Variants in FHIT observed in about 807,000 individuals in gnomAD.
FHIT encodes fragile histidine triad diadenosine triphosphatase, also known as bis(5'-adenosyl)-triphosphatase.
FHIT carries 19 observed loss-of-function variants against 17.9 expected under a neutral mutation model. The ratio of observed to expected loss-of-function variants is 1.06; its 90% CI spans 0.74 to 1.56. The LOEUF (loss-of-function observed/expected upper bound fraction) is 1.56. FHIT is among the 40% of genes most tolerant of loss of function. The pLI is 0.00. For missense variants in FHIT, 248 were observed against 189.2 expected (o/e 1.31, Z -1.82); for synonymous variants, 81 against 69.7 (o/e 1.16, Z -0.81).
chr3:60,891,444 C>CAA (rs1705512852), intron 3 of FHIT, among the ~76,000 whole-genome samples: 1 of 152,174 alleles, frequency 6.6e-6, no homozygotes, highest in Admixed American at 6.5e-5. Flanking sequence ...ATGAGAAACT[C>CAA]TATTGTTTCC....
At chr3:60,974,821 G>C (rs1423855339) in intron 3 of FHIT, among the ~76,000 whole-genome samples, 1 of 152,080 alleles carries the variant, frequency 6.6e-6, no homozygotes, top group African/African-American at 2.4e-5. Flanking sequence ...AAGACATGAG[G>C]CCTGAAATTT....
At chr3:60,268,010 G>C (rs1330825165) in intron 5 of FHIT, among the ~76,000 whole-genome samples, 1 of 152,130 alleles carries the variant, frequency 6.6e-6, no homozygotes, top group Non-Finnish European at 1.5e-5. Flanking sequence ...CAGGAGGTAG[G>C]TTTTGTATCT....
intron 5 of FHIT, among the ~76,000 whole-genome samples, chr3:60,287,343 A>G (rs933950407): frequency 6.6e-6 from 1 of 151,818 alleles, no homozygotes; most frequent in Non-Finnish European, 1.5e-5. Context: ...TAATTTTTGT[A>G]TTTTTAGTAG....
At chr3:60,112,251 A>C (rs2107182700) in intron 5 of FHIT, among the ~76,000 whole-genome samples, 1 of 152,290 alleles carries the variant, frequency 6.6e-6, no homozygotes, top group East Asian at 1.9e-4. Context: ...AAGGACTCCC[A>C]GAACAATATC....
At position 60,761,769 on chromosome 3, in the gene FHIT, AGTT is replaced by A. The variant is rs1553719994; in HGVS notation, c.-18+60147_-18+60149del. ...TAGGACATAATAAATAATTCAAACAAGTTTTGAAAAATCATTTGGCCCATATAA... is the reference window on the plus strand; with the variant it reads ...TAGGACATAATAAATAATTCAAACAATTGAAAAATCATTTGGCCCATATAA... On this transcript the variant is annotated intron_variant, in intron 4 of 9. Coordinates refer to ENST00000492590, the MANE Select transcript of FHIT (RefSeq NM_002012.4). 1.6e-3 allele frequency among the ~76,000 whole-genome samples: 242 copies of A among 152,194 alleles called. 3 individuals are homozygous for A. Among genetic ancestry groups the A allele is most frequent in the African/African-American group, 5.2e-3 (217 of 41,528 alleles).
chr3:61,168,711 A>C (rs939016457), intron 2 of FHIT, among the ~76,000 whole-genome samples: 3 of 152,184 alleles, frequency 2.0e-5, no homozygotes, highest in Non-Finnish European at 2.9e-5. Flanking sequence ...TTGATTTCCC[A>C]CTATATTGTC....
chr3:60,185,756 G>A (rs138553404), intron 5 of FHIT, among the ~76,000 whole-genome samples: 37 of 152,252 alleles, frequency 2.4e-4, no homozygotes, highest in African/African-American at 8.9e-4. Flanking sequence ...GAGAGTCCTT[G>A]TTGCTCTACA....
chr3:61,095,403 C>T (rs1194431682), intron 2 of FHIT, among the ~76,000 whole-genome samples: 1 of 152,160 alleles, frequency 6.6e-6, no homozygotes, highest in African/African-American at 2.4e-5. Flanking sequence ...CTAAGCCTGT[C>T]TCACCTACAT....
intron 5 of FHIT, among the ~76,000 whole-genome samples, chr3:60,120,027 C>A (rs2107216220): frequency 6.6e-6 from 1 of 152,318 alleles, no homozygotes; most frequent in East Asian, 1.9e-4. Context: ...AATCAACATT[C>A]CTGAAGCTTA....
At chr3:60,445,194 G>A (rs1028832342) in intron 5 of FHIT, among the ~76,000 whole-genome samples, 2 of 152,054 alleles carry the variant, frequency 1.3e-5, no homozygotes, top group African/African-American at 2.4e-5. Flanking sequence ...CAGAGATTCT[G>A]ATTCACTAGG....
intron 5 of FHIT, among the ~76,000 whole-genome samples, chr3:60,044,972 T>A (rs529266380): frequency 6.6e-6 from 1 of 152,126 alleles, no homozygotes; most frequent in Non-Finnish European, 1.5e-5. Context: ...CACTGATCAA[T>A]TGAAGTTATT....
intron 4 of FHIT, among the ~76,000 whole-genome samples, chr3:60,695,857 G>C (rs545194781): frequency 6.6e-6 from 1 of 152,286 alleles, no homozygotes; most frequent in South Asian, 2.1e-4. Context: ...GGGTTGTTGT[G>C]AGAATTAAAG....
intron 8 of FHIT, among the ~76,000 whole-genome samples, chr3:59,778,475 AG>A (rs1575479127): frequency 6.6e-6 from 1 of 152,232 alleles, no homozygotes. Flanking sequence ...AGGATGGAGC[AG>A]GGGTAAGCAA....
chr3:60,929,151 A>G (rs1360717800), intron 3 of FHIT, among the ~76,000 whole-genome samples: 2 of 152,238 alleles, frequency 1.3e-5, no homozygotes, highest in Non-Finnish European at 2.9e-5. Flanking sequence ...AAGACCTTTG[A>G]CAAAATTCAA....
chr3:59,976,783 T>C (rs1389294030), intron 7 of FHIT, among the ~76,000 whole-genome samples: 2 of 152,230 alleles, frequency 1.3e-5, no homozygotes, highest in East Asian at 1.9e-4. Flanking sequence ...GTTTCAAATG[T>C]CAAGTGAAAT....
chr3:60,641,546 G>A (rs1321569529), intron 4 of FHIT, among the ~76,000 whole-genome samples: 1 of 152,124 alleles, frequency 6.6e-6, no homozygotes, highest in Non-Finnish European at 1.5e-5. Context: ...TGAAATTTAC[G>A]AGAGTCCAAT....
At position 60,638,037 on chromosome 3, in the gene FHIT, G is replaced by C. The variant is rs80319476; in HGVS notation, c.-17-101058C>G. Among the ~76,000 whole-genome samples the C allele has an allele frequency of 4.5e-3, 683 of 152,278 alleles. 4 individuals carry two copies. Among genetic ancestry groups the C allele is most frequent in the African/African-American group, 0.016 (656 of 41,564 alleles). On this transcript the variant is annotated intron_variant, in intron 4 of 9. Coordinates refer to ENST00000492590, the MANE Select transcript of FHIT (RefSeq NM_002012.4). ...ATCAACTTCAATAAAAACAATGAAA[G>C]TGGTAGAATGAAATAGATCAAATAC...
At chr3:59,794,662 G>C (rs1252537924) in intron 8 of FHIT, among the ~76,000 whole-genome samples, 2 of 152,212 alleles carry the variant, frequency 1.3e-5, no homozygotes, top group African/African-American at 4.8e-5. Context: ...AAGTGATATT[G>C]TAACAGCACT....
chr3:59,800,750 A>C (rs1260356846), intron 8 of FHIT, among the ~76,000 whole-genome samples: 4 of 152,266 alleles, frequency 2.6e-5, no homozygotes, highest in Middle Eastern at 3.4e-3. Context: ...AGGGGGTCTT[A>C]AATGTAACTA....
Sources: allele counts gnomAD v4.1 joint callset (sites outside exome capture counted in the v4.1 genomes callset), GRCh38; gene constraint gnomAD v4.1.1; transcripts MANE v1.5; gene names NCBI Gene and HGNC (gene_info 2026-07-23, HGNC 2026-07-21).